Variants in USP47 observed in about 807,000 individuals in gnomAD.
USP47 encodes the protein ubiquitin specific peptidase 47, also known as ubiquitin carboxyl-terminal hydrolase 47.
Under a neutral mutation model 165.1 loss-of-function variants are expected in USP47, and 35 were observed. The observed-to-expected ratio is 0.21, with a 90% CI of 0.16 to 0.28. USP47 has a LOEUF of 0.28. USP47 is among the 10% of genes least tolerant of loss of function. The probability of loss-of-function intolerance (pLI) is 1.00; values close to 1 mark genes in which losing one functional copy is unlikely to be tolerated. For synonymous variants in USP47, 531 were observed against 544.5 expected, an observed-to-expected ratio of 0.98 and a Z score of 0.35; for missense variants, 1,277 against 1,607.4, an observed-to-expected ratio of 0.79 and a Z score of 3.52.
intron 1 of USP47, among the ~76,000 whole-genome samples, chr11:11,868,281 CACTT>C (rs1849811697): frequency 6.6e-6 from 1 of 152,198 alleles, no homozygotes; most frequent in African/African-American, 2.4e-5. Context: ...TAACCACACT[CACTT>C]CCCTTTCACT....
chr11:11,888,346 CAAAT>C (rs1448813079), intron 3 of USP47, among the ~76,000 whole-genome samples: 3 of 151,994 alleles, frequency 2.0e-5, no homozygotes, highest in Admixed American at 1.3e-4. Context: ...AGAGAAGAAT[CAAAT>C]AAACACAATC....
intron 1 of USP47, among the ~76,000 whole-genome samples, chr11:11,849,061 C>T (rs901656832): frequency 3.9e-5 from 6 of 152,044 alleles, no homozygotes; most frequent in Non-Finnish European, 7.4e-5. Context: ...TACTGCAAGT[C>T]GTTTGGATAC....
Position 11,905,534 on chromosome 11 carries a change from G to A in USP47, c.955G>A (p.Ala319Thr). 1 of 1,606,166 alleles carries A rather than the reference G, an allele frequency of 6.2e-7. No homozygotes were observed. Among genetic ancestry groups the A allele is most frequent in the Non-Finnish European group, 8.5e-7 (1 of 1,174,598 alleles). The stretch of plus-strand genomic sequence containing the variant: ...CATCCGACCTTATGGGTCCAGCCAA[G>A]CATTTGCTAGTGTGGTGTGTACCTT... ...LVIRPYGSSQ[A>T]FASVEEALHA... The change falls in exon 8 of 28, where the codon GCA (alanine) becomes ACA (threonine). Residue 319 changes from alanine (A) to threonine (T), a missense_variant. This residue lies in a region of USP47 where 175 missense variants were observed against 295.8 expected (regional missense o/e 0.59). Coordinates refer to ENST00000527733, the MANE Select transcript of USP47 (RefSeq NM_001282659.2).
At chr11:11,858,240 C>T (rs372956995) in intron 1 of USP47, among the ~76,000 whole-genome samples, 13 of 152,032 alleles carry the variant, frequency 8.6e-5, no homozygotes, top group South Asian at 6.2e-4. Flanking sequence ...CATGCTCCAC[C>T]GGTAACGGTT....
Position 11,842,168 on chromosome 11 carries a change from G to A in USP47, c.-18G>A. 6.4e-7 allele frequency: 1 copy of A among 1,552,228 alleles called. No homozygotes were observed. ...CACCCTCCCCCGGCAGGGCGGAGAG[G>A]AGCGGCCGGAGTCAGCGATGGTGCC... On this transcript the variant is annotated 5_prime_UTR_variant, in exon 1 of 28. Coordinates refer to ENST00000527733, the MANE Select transcript of USP47 (RefSeq NM_001282659.2).
At chr11:11,930,177 G>A in intron 13 of USP47, 57 bp downstream of exon 13, 1 of 1,479,892 alleles carries the variant, frequency 6.8e-7, no homozygotes, top group South Asian at 1.2e-5. Context: ...TAGCTTCTCA[G>A]TGTTTTTTTA....
At chr11:11,897,485 A>G in intron 4 of USP47, 112 bp from the exon 5 acceptor site, 2 of 751,308 alleles carry the variant, frequency 2.7e-6, no homozygotes, top group Non-Finnish European at 4.2e-6. Context: ...TAATTTCCAA[A>G]TGAGTAGTAA....
Position 11,842,032 on chromosome 11 carries a change from G to C in USP47, c.-154G>C, listed in dbSNP as rs1848147699. 1.1e-6 allele frequency: 1 copy of C among 894,774 alleles called. No individual in the cohort carries two copies. The highest frequency in any genetic ancestry group is 1.6e-6 in the Non-Finnish European group (1 of 606,888). The allele number at this position is 894,774 out of a possible 1,614,324, so 55.4% of individuals were successfully genotyped here. On this transcript the variant is annotated 5_prime_UTR_variant, in exon 1 of 28. Transcript: ENST00000527733. ...CGGAGCCCTGGGTCGGTGTCTGCGC[G>C]CTGGTGTCTGAGGCCCAGGCTGAGG...
Position 11,921,666 on chromosome 11 carries a change from C to A in USP47, c.1219-1058C>A, listed in dbSNP as rs148371465. Among the ~76,000 whole-genome samples, 601 of 151,948 alleles carry A rather than the reference C, an allele frequency of 4.0e-3. 5 individuals carry two copies. Among genetic ancestry groups the A allele is most frequent in the South Asian group, 0.028 (137 of 4,820 alleles). On this transcript the variant is annotated intron_variant, in intron 10 of 27. Coordinates refer to ENST00000527733, the MANE Select transcript of USP47 (RefSeq NM_001282659.2). ...GTAGGATTTCTACTCAAATAGAGATCAGTAGTAGATTGGTCTTCTGAATAT... is the reference window on the plus strand; with the variant it reads ...GTAGGATTTCTACTCAAATAGAGATAAGTAGTAGATTGGTCTTCTGAATAT...
chr11:11,950,041 A>G, intron 23 of USP47, 37 bp downstream of exon 23: 2 of 1,458,718 alleles, frequency 1.4e-6, no homozygotes, highest in Non-Finnish European at 1.9e-6. Flanking sequence ...ATTTGAAGAA[A>G]GACTATGTGG....
chr11:11,953,324 A>C (rs1224116327), intron 25 of USP47, among the ~76,000 whole-genome samples: 1 of 152,236 alleles, frequency 6.6e-6, no homozygotes, highest in Non-Finnish European at 1.5e-5. Flanking sequence ...TGGTACTAGC[A>C]CAATGAGCAT....
chr11:11,915,317 C>T lies in USP47; in HGVS notation c.970-4839C>T, dbSNP rs1232384879. ...GAACTGTGGGACAGATTAACCATTA[C>T]CAGGTCTTACGGATTTGGTGGGAGC... On this transcript the variant is annotated intron_variant, in intron 8 of 27. Coordinates refer to ENST00000527733, the MANE Select transcript of USP47 (RefSeq NM_001282659.2). Among the ~76,000 whole-genome samples, 3 of 152,060 alleles carry T rather than the reference C, an allele frequency of 2.0e-5. No individual in the cohort carries two copies. The South Asian group carries it at 6.2e-4, about 31-fold the overall frequency.
chr11:11,890,611 A>C (rs1851450330), intron 3 of USP47, among the ~76,000 whole-genome samples: 1 of 152,182 alleles, frequency 6.6e-6, no homozygotes, highest in African/African-American at 2.4e-5. Flanking sequence ...GTCATTCCTC[A>C]AAGACTTAGA....
chr11:11,847,907 A>G (rs564893865), intron 1 of USP47, among the ~76,000 whole-genome samples: 58 of 152,358 alleles, frequency 3.8e-4, no homozygotes, highest in Non-Finnish European at 6.5e-4. Flanking sequence ...GCTAGACACT[A>G]TGCTAACCAG....
At chr11:11,870,823 A>G (rs1421794741) in intron 1 of USP47, among the ~76,000 whole-genome samples, 1 of 152,088 alleles carries the variant, frequency 6.6e-6, no homozygotes, top group Non-Finnish European at 1.5e-5. Flanking sequence ...TTAAGCATTC[A>G]TTCATTCATC....
intron 1 of USP47, among the ~76,000 whole-genome samples, chr11:11,858,732 G>T (rs1849206093): frequency 6.6e-6 from 1 of 152,122 alleles, no homozygotes; most frequent in Non-Finnish European, 1.5e-5. Flanking sequence ...CATTTATGTT[G>T]TTGCTTCTAT....
chr11:11,947,910 TTTTG>T (rs763181566), intron 20 of USP47, 31 bp from the exon 21 acceptor site: 3 of 1,567,804 alleles, frequency 1.9e-6, no homozygotes, highest in East Asian at 2.2e-5. Context: ...TCTTTTACAT[TTTTG>T]TTCCTGTTTT....
chr11:11,865,018 A>G (rs987159359), intron 1 of USP47, among the ~76,000 whole-genome samples: 3 of 152,088 alleles, frequency 2.0e-5, no homozygotes, highest in Non-Finnish European at 4.4e-5. Flanking sequence ...ATCTGCTGTC[A>G]TTTGAATTGT....
rs375353323 is a variant in USP47, at chr11:11,876,681, G to T, written c.40-3496G>T. Among the ~76,000 whole-genome samples the T allele has an allele frequency of 3.9e-5, 6 of 152,310 alleles. No individual in the cohort carries two copies. The East Asian group carries it at 1.2e-3, about 29-fold the overall frequency. On this transcript the variant is annotated intron_variant, in intron 1 of 27. Transcript: ENST00000527733. The stretch of plus-strand genomic sequence containing the variant: ...GGCACCTCAGTGTCTCCACCAAGTG[G>T]CTGCTTCCTCTGAATGTGGATTTCT...
Sources: gnomAD v4.1 joint callset for allele counts (sites outside exome capture counted in the v4.1 genomes callset) on GRCh38, gnomAD v4.1.1 for gene constraint, gnomAD v4.1.1 regional missense constraint, MANE v1.5 for transcripts, NCBI Gene and HGNC (gene_info 2026-07-23, HGNC 2026-07-21) for gene names.